SMURF2: variants seen among roughly 807,000 people sequenced by gnomAD.
SMURF2 encodes the protein SMAD specific E3 ubiquitin protein ligase 2.
In SMURF2, 48 loss-of-function variants were observed where a neutral mutation model predicts 109.6. The ratio of observed to expected loss-of-function variants is 0.44; its 90% confidence interval spans 0.35 to 0.56. The LOEUF is 0.56. SMURF2 is among the 20% of genes least tolerant of loss of function. The probability of loss-of-function intolerance (pLI) is 0.01; values close to 1 mark genes in which losing one functional copy is unlikely to be tolerated. For missense variants in SMURF2, 575 were observed against 909.0 expected, an observed-to-expected ratio of 0.63 and a Z score of 4.72; for synonymous variants, 288 against 317.1, an observed-to-expected ratio of 0.91 and a Z score of 0.97.
chr17:64,604,536 TG>T (rs1180110778), intron 2 of SMURF2, among the ~76,000 whole-genome samples: 1 of 152,142 alleles, frequency 6.6e-6, no homozygotes, highest in Non-Finnish European at 1.5e-5. Flanking sequence ...TTAGAGAAGC[TG>T]TGTCTTGGGA....
In SMURF2 at chr17:64,662,009, C is replaced by T. The variant is rs372950558; in HGVS notation, c.-129G>A. 2.1e-4 allele frequency: 233 copies of T among 1,112,720 alleles called. 2 individuals are homozygous for T. In the East Asian group the frequency reaches 7.8e-3, roughly 37 times the overall value. The allele number at this position is 1,112,720 out of a possible 1,614,324, so 68.9% of individuals were successfully genotyped here. On this transcript the variant is annotated 5_prime_UTR_variant, in exon 1 of 19. Transcript: ENST00000262435. Reference sequence around the variant, plus strand: ...GCCTCGGCCGCCACGGCCGGAGGGTCCCGGATGTGCCGAGAGTCGTCGCCA... The same window carrying T: ...GCCTCGGCCGCCACGGCCGGAGGGTTCCGGATGTGCCGAGAGTCGTCGCCA...
chr17:64,544,924 T>C lies in SMURF2; in HGVS notation c.*924A>G, dbSNP rs1968924381. The C allele has an allele frequency of 6.6e-6, 1 of 152,608 alleles. No individual in the cohort carries two copies. Among genetic ancestry groups the C allele is most frequent in the Non-Finnish European group, 1.5e-5 (1 of 68,036 alleles). The allele number at this position is 152,608 out of a possible 1,614,324, so 9.5% of individuals were successfully genotyped here. A position where few individuals can be genotyped will look rare whatever the true frequency, so the allele number is the denominator to read the frequency against. On this transcript the variant is annotated 3_prime_UTR_variant, in exon 19 of 19. Transcript: ENST00000262435. The stretch of plus-strand genomic sequence containing the variant: ...GACTTTGGTTTATAGGAATAGTCCA[T>C]ATATTAAAGATAAGCTGACCCAGCA...
chr17:64,633,130 C>T (rs1193142752), intron 1 of SMURF2, among the ~76,000 whole-genome samples: 2 of 152,054 alleles, frequency 1.3e-5, no homozygotes, highest in Admixed American at 6.6e-5. Context: ...ATTAGCCAGG[C>T]GTGGTGGCAC....
chr17:64,632,428 C>T (rs1414477887), intron 1 of SMURF2, among the ~76,000 whole-genome samples: 1 of 152,170 alleles, frequency 6.6e-6, no homozygotes, highest in Non-Finnish European at 1.5e-5. Context: ...CCTACACACT[C>T]CTAACATCAA....
intron 11 of SMURF2, among the ~76,000 whole-genome samples, chr17:64,562,285 C>CA (rs782461489): frequency 0.098 from 1,864 of 18,986 alleles, 420 homozygotes; most frequent in African/African-American, 0.17. Context: ...GACTCCGTCT[C>CA]AAAAAAAAAA....
At chr17:64,590,997 CA>C in intron 5 of SMURF2, 86 bp downstream of exon 5, 1 of 875,930 alleles carries the variant, frequency 1.1e-6, no homozygotes, top group Non-Finnish European at 1.8e-6. Flanking sequence ...AATGAAGCTA[CA>C]GTTATTATAC....
chr17:64,614,420 G>A (rs1970094039), intron 1 of SMURF2, among the ~76,000 whole-genome samples: 1 of 152,132 alleles, frequency 6.6e-6, no homozygotes, highest in Admixed American at 6.5e-5. Flanking sequence ...CCATGCTGCA[G>A]AATCCACCAG....
intron 16 of SMURF2, among the ~76,000 whole-genome samples, chr17:64,549,547 A>C (rs1969009748): frequency 6.6e-6 from 1 of 151,886 alleles, no homozygotes; most frequent in Non-Finnish European, 1.5e-5. Context: ...CCTGAGCTAA[A>C]AAGTTCAAGA....
chr17:64,606,057 A>G (rs78813823), intron 2 of SMURF2, among the ~76,000 whole-genome samples: 7,582 of 151,128 alleles, frequency 0.05, 309 homozygotes, highest in Admixed American at 0.14. Flanking sequence ...ATAAAGCCAG[A>G]AAAAAAAATT....
rs985623690 is a variant in SMURF2, at chr17:64,542,840, G to A, written c.*3008C>T. 2 of 152,128 alleles carry A rather than the reference G, an allele frequency of 1.3e-5. No individual in the cohort carries two copies. Among genetic ancestry groups the A allele is most frequent in the Non-Finnish European group, 2.9e-5 (2 of 68,028 alleles). The allele number at this position is 152,128 out of a possible 1,614,324, so 9.4% of individuals were successfully genotyped here. On this transcript the variant is annotated 3_prime_UTR_variant, in exon 19 of 19. Transcript: ENST00000262435. ...AAAAGGCTTGGTAAAAAACCCATTC[G>A]GGGCAACAAACTATGTGCAAAACAA...
chr17:64,598,256 TA>T, intron 3 of SMURF2, 125 bp downstream of exon 3: 1 of 689,418 alleles, frequency 1.5e-6, no homozygotes, highest in Non-Finnish European at 2.2e-6. Context: ...GGCTTTTCTT[TA>T]CCCCTTTTGT....
rs782698551 is a variant in SMURF2, at chr17:64,561,614, T to A, written c.1213-11A>T. On this transcript the variant is annotated splice_polypyrimidine_tract_variant and intron_variant, in intron 11 of 18. Coordinates refer to ENST00000262435, the MANE Select transcript of SMURF2 (RefSeq NM_022739.4). ...CTGTCGATATGATTCCTGAAAAAAA[T>A]AATTTTTAATACCCTATTACTATTA... The A allele has an allele frequency of 3.8e-6, 6 of 1,566,288 alleles. No homozygotes were observed. Among genetic ancestry groups the A allele is most frequent in the Non-Finnish European group, 5.3e-6 (6 of 1,142,078 alleles).
intron 1 of SMURF2, among the ~76,000 whole-genome samples, chr17:64,657,670 G>A (rs1300138626): frequency 6.6e-6 from 1 of 151,486 alleles, no homozygotes; most frequent in Admixed American, 6.6e-5. Context: ...CTCACTGCAC[G>A]CTGTTGCCAC....
intron 9 of SMURF2, among the ~76,000 whole-genome samples, chr17:64,576,578 C>G (rs375387142): frequency 6.6e-6 from 1 of 151,888 alleles, no homozygotes; most frequent in Admixed American, 6.6e-5. Context: ...GCAGGAGAAT[C>G]ACTTGAACCC....
chr17:64,554,621 G>A (rs532947589), intron 15 of SMURF2, among the ~76,000 whole-genome samples: 1 of 152,274 alleles, frequency 6.6e-6, no homozygotes, highest in East Asian at 1.9e-4. Flanking sequence ...GGTGTTGCAG[G>A]CCTAGCTGAC....
intron 1 of SMURF2, among the ~76,000 whole-genome samples, chr17:64,642,018 G>A (rs1555692599): frequency 6.6e-6 from 1 of 152,162 alleles, no homozygotes; most frequent in Admixed American, 6.6e-5. Flanking sequence ...TGTTGCACAG[G>A]CTGGTCTCAA....
intron 3 of SMURF2, among the ~76,000 whole-genome samples, chr17:64,594,740 A>G (rs1555687948): frequency 6.6e-6 from 1 of 152,130 alleles, no homozygotes; most frequent in Non-Finnish European, 1.5e-5. Flanking sequence ...TAATTCTAGC[A>G]CTTTAGGAGG....
chr17:64,560,966 CAAAA>C (rs782010996), intron 12 of SMURF2: 5 of 59,620 alleles, frequency 8.4e-5, no homozygotes, highest in South Asian at 7.3e-4. Flanking sequence ...ACCCTGTCTC[CAAAA>C]AAAAAAAAAA....
chr17:64,654,684 C>A (rs1275312648), intron 1 of SMURF2, among the ~76,000 whole-genome samples: 1 of 152,070 alleles, frequency 6.6e-6, no homozygotes, highest in Non-Finnish European at 1.5e-5. Context: ...ACAGAATTAG[C>A]CGGGCGCGGT....
Sources: allele counts gnomAD v4.1 joint callset (sites outside exome capture counted in the v4.1 genomes callset), GRCh38; gene constraint gnomAD v4.1.1; transcripts MANE v1.5; gene names NCBI Gene and HGNC (gene_info 2026-07-23, HGNC 2026-07-21).